Variants in HTRA3 observed in about 807,000 individuals in gnomAD.
The protein encoded by HTRA3 is serine protease HTRA3.
HTRA3 carries 41 observed loss-of-function variants against 43.2 expected under a neutral mutation model. That is an observed-to-expected ratio of 0.95 (90% CI 0.74 to 1.23). The LOEUF (loss-of-function observed/expected upper bound fraction) is 1.23, where lower values mean the gene tolerates loss of function less well. HTRA3 is among the 50% of genes most tolerant of loss of function. The pLI, the probability that HTRA3 is intolerant of heterozygous loss-of-function variation, is 0.00. For missense variants in HTRA3, 628 were observed against 647.1 expected (o/e 0.97, Z 0.32); for synonymous variants, 295 against 287.9 (o/e 1.02, Z -0.25).
rs544080361 is a variant in HTRA3, at chr4:8,272,404, G to C, written c.385+2051G>C. Among the ~76,000 whole-genome samples, 96 of 10,364 alleles carry C rather than the reference G, an allele frequency of 9.3e-3. 1 individual carries two copies. The highest frequency in any genetic ancestry group is 0.059 in the African/African-American group (87 of 1,478). The allele number at this position is 10,364 out of a possible 152,430, so 6.8% of individuals were successfully genotyped here. A position where few individuals can be genotyped will look rare whatever the true frequency, so the allele number is the denominator to read the frequency against. On this transcript the variant is annotated intron_variant, in intron 1 of 8. Coordinates refer to ENST00000307358, the MANE Select transcript of HTRA3 (RefSeq NM_053044.5). ...AAGGCCAGGAGGTGGCCGTGAGCGT[G>C]GGGGGTCATGGGCTGAGGCCTCAGT... is the stretch of plus-strand genomic sequence containing the variant.
chr4:8,306,144 A>G lies in HTRA3; in HGVS notation c.*8A>G, dbSNP rs1298396276. 1 of 1,563,588 alleles carries G rather than the reference A, an allele frequency of 6.4e-7. No individual in the cohort carries two copies. The highest frequency in any genetic ancestry group is 8.7e-7 in the Non-Finnish European group (1 of 1,149,710). On this transcript the variant is annotated 3_prime_UTR_variant, in exon 9 of 9. Coordinates refer to ENST00000307358, the MANE Select transcript of HTRA3 (RefSeq NM_053044.5). This position sits in a 1 kb window ranked among gnomAD's most constrained non-coding sequence, Gnocchi z 8.9. Reference sequence around the variant, plus strand: ...CCTGAGGTGGTCATGTGAGGGGCGCATTCCTCCAGCGCCAAGCGTCAGAGC... The same window carrying G: ...CCTGAGGTGGTCATGTGAGGGGCGCGTTCCTCCAGCGCCAAGCGTCAGAGC...
chr4:8,288,878 T>TTTCCTTTCTTCC (rs1713102677), intron 3 of HTRA3, among the ~76,000 whole-genome samples: 1 of 118,076 alleles, frequency 8.5e-6, no homozygotes, highest in African/African-American at 3.6e-5. Flanking sequence ...ACCCCCAAAT[T>TTTCCTTTCTTCC]TTCCTTCCTT....
At chr4:8,283,911 G>A (rs1220165477) in intron 2 of HTRA3, among the ~76,000 whole-genome samples, 2 of 152,172 alleles carry the variant, frequency 1.3e-5, no homozygotes, top group Admixed American at 1.3e-4. Context: ...CCTGCTGGCT[G>A]GCTCGGCGCT....
chr4:8,301,165 A>ATT (rs1553821819), intron 6 of HTRA3, among the ~76,000 whole-genome samples: 1 of 151,140 alleles, frequency 6.6e-6, no homozygotes, highest in African/African-American at 2.4e-5. Context: ...ATTGACTCAC[A>ATT]CTTTATTATT....
At position 8,282,453 on chromosome 4, in the gene HTRA3, C is replaced by T. The variant is rs754622551; in HGVS notation, c.402C>T (p.Ser134=). Residue 134 remains serine, a synonymous_variant, in exon 2 of 9, where the codon AGC becomes AGT. Transcript: ENST00000307358. ...CCAGCGCAGGTCTCCACCAGCTGAG[C>T]AGCCCGCGCTACAAGTTCAACTTCA... is the stretch of plus-strand genomic sequence containing the variant. ...GACPLGLHQL[S]SPRYKFNFIA... The T allele has an allele frequency of 4.2e-5, 67 of 1,613,450 alleles. No individual in the cohort carries two copies. In the South Asian group the frequency reaches 6.4e-4, roughly 15 times the overall value.
In HTRA3 at chr4:8,271,564, A is replaced by G. The variant is rs375620117; in HGVS notation, c.385+1211A>G. Among the ~76,000 whole-genome samples, 229 of 152,318 alleles carry G rather than the reference A, an allele frequency of 1.5e-3. 1 individual carries two copies. Among genetic ancestry groups the G allele is most frequent in the African/African-American group, 5.3e-3 (220 of 41,562 alleles). ...TCCCAGTCCACCTTGTGCTGGTACA[A>G]CGCCTGAGACTGGGCAGTTTATACA... is the stretch of plus-strand genomic sequence containing the variant. On this transcript the variant is annotated intron_variant, in intron 1 of 8. Coordinates refer to ENST00000307358, the MANE Select transcript of HTRA3 (RefSeq NM_053044.5).
intron 1 of HTRA3, among the ~76,000 whole-genome samples, chr4:8,280,241 A>G (rs140944719): frequency 1.8e-4 from 28 of 152,278 alleles, no homozygotes; most frequent in African/African-American, 6.0e-4. Context: ...GGCGAGGCAC[A>G]TGGGGCGCCA....
intron 1 of HTRA3, among the ~76,000 whole-genome samples, chr4:8,281,090 C>T (rs1172262358): frequency 1.3e-5 from 2 of 152,226 alleles, no homozygotes; most frequent in Non-Finnish European, 2.9e-5. Context: ...GGAAAAGTTT[C>T]CTTCCCCTGG....
rs531179905 is a variant in HTRA3, at chr4:8,286,206, G to A, written c.486-355G>A. ...CTGCCCACGGTCAGGCAGATAATAA[G>A]TGGGTCCTGGACTTGGGATTAGCAT... On this transcript the variant is annotated intron_variant, in intron 2 of 8. Coordinates refer to ENST00000307358, the MANE Select transcript of HTRA3 (RefSeq NM_053044.5). This position sits in a 1 kb window ranked among gnomAD's most constrained non-coding sequence, Gnocchi z 4.9. 5.8e-4 allele frequency among the ~76,000 whole-genome samples: 89 copies of A among 152,366 alleles called. No individual in the cohort carries two copies. Among genetic ancestry groups the A allele is most frequent in the African/African-American group, 2.1e-3 (87 of 41,590 alleles).
At chr4:8,304,948 C>G (rs1713783932) in intron 8 of HTRA3, among the ~76,000 whole-genome samples, 1 of 152,150 alleles carries the variant, frequency 6.6e-6, no homozygotes. Flanking sequence ...CCCCAGGAGA[C>G]TTTGTAGATG....
rs113739580 is a variant in HTRA3, at chr4:8,291,240, C to G, written c.709-130C>G. 469 of 786,766 alleles carry G rather than the reference C, an allele frequency of 6.0e-4. 1 individual carries two copies. The African/African-American group carries it at 6.9e-3, about 12-fold the overall frequency. The allele number at this position is 786,766 out of a possible 1,614,324, so 48.7% of individuals were successfully genotyped here. ...TGCACTGGTGACCTGCCTGAGCCTT[C>G]ACAGTCCTGGTGGCTTTGCACAGAT... is the stretch of plus-strand genomic sequence containing the variant. On this transcript the variant is annotated intron_variant, in intron 3 of 8. Transcript: ENST00000307358.
intron 3 of HTRA3, among the ~76,000 whole-genome samples, chr4:8,290,625 G>T (rs1231097242): frequency 6.6e-6 from 1 of 152,238 alleles, no homozygotes; most frequent in Non-Finnish European, 1.5e-5. Context: ...TATCGTGTGT[G>T]TGTGTGCGCT....
intron 5 of HTRA3, among the ~76,000 whole-genome samples, chr4:8,293,666 C>T (rs545131311): frequency 2.6e-5 from 4 of 152,184 alleles, no homozygotes; most frequent in Admixed American, 6.5e-5. Flanking sequence ...AGGAGCTCCC[C>T]TGGTCCCACC....
At chr4:8,291,989 G>A (rs752025055) in intron 4 of HTRA3, among the ~76,000 whole-genome samples, 4 of 152,202 alleles carry the variant, frequency 2.6e-5, no homozygotes, top group South Asian at 2.1e-4. Flanking sequence ...GCTGGAATCC[G>A]AGTCTTTGTA....
intron 1 of HTRA3, among the ~76,000 whole-genome samples, chr4:8,275,011 C>T (rs112188035): frequency 2.6e-5 from 4 of 152,200 alleles, no homozygotes; most frequent in African/African-American, 9.6e-5. Flanking sequence ...ACCACTCAGG[C>T]AAGATGACGC....
intron 6 of HTRA3, among the ~76,000 whole-genome samples, chr4:8,299,844 T>A (rs1177846600): frequency 3.3e-5 from 5 of 150,434 alleles, no homozygotes; most frequent in African/African-American, 1.2e-4. Context: ...TATTATCCTT[T>A]TTTTTTTTTT....
intron 1 of HTRA3, 62 bp from the exon 2 acceptor site, chr4:8,282,375 G>A (rs568390445): frequency 1.5e-6 from 2 of 1,292,512 alleles, no homozygotes; most frequent in African/African-American, 1.5e-5. Context: ...CTGGGCATAG[G>A]CCTCTGGGAG....
At chr4:8,272,104 G>T (rs995041238) in intron 1 of HTRA3, among the ~76,000 whole-genome samples, 1 of 152,176 alleles carries the variant, frequency 6.6e-6, no homozygotes, top group African/African-American at 2.4e-5. Context: ...TCCCCACCCC[G>T]CTCCCCACCG....
At chr4:8,304,126 A>C in intron 7 of HTRA3, 58 bp from the exon 8 acceptor site, 1 of 1,448,316 alleles carries the variant, frequency 6.9e-7, no homozygotes, top group South Asian at 1.2e-5. Flanking sequence ...GGGCAGCTTC[A>C]TACCAAAGAG....
Sources: gnomAD v4.1 joint callset for allele counts (sites outside exome capture counted in the v4.1 genomes callset) on GRCh38, gnomAD v4.1.1 for gene constraint, Gnocchi (gnomAD v3.1) non-coding constraint, MANE v1.5 for transcripts, NCBI Gene and HGNC (gene_info 2026-07-23, HGNC 2026-07-21) for gene names.